AK8: variants seen among roughly 807,000 people sequenced by gnomAD.
AK8 encodes adenylate kinase 8.
Under a neutral mutation model 54.6 loss-of-function variants are expected in AK8, and 44 were observed. The ratio of observed to expected loss-of-function variants is 0.81; its 90% confidence interval spans 0.63 to 1.04. The LOEUF (loss-of-function observed/expected upper bound fraction) is 1.04, where lower values mean the gene tolerates loss of function less well. Among genes scored for constraint, AK8 ranks in the 50% least tolerant of loss-of-function variants. AK8 has a pLI of 0.00. For missense variants in AK8, 555 were observed against 613.6 expected, an observed-to-expected ratio of 0.90 and a Z score of 1.01; for synonymous variants, 239 against 245.6, an observed-to-expected ratio of 0.97 and a Z score of 0.25.
chr9:132,789,139 C>T (rs1181115733), intron 11 of AK8, among the ~76,000 whole-genome samples: 2 of 151,614 alleles, frequency 1.3e-5, no homozygotes, highest in Admixed American at 6.6e-5. Context: ...ACTAAAAATA[C>T]AAAAAATTAG....
chr9:132,753,094 A>G (rs1175464654), intron 11 of AK8, among the ~76,000 whole-genome samples: 2 of 152,224 alleles, frequency 1.3e-5, no homozygotes, highest in Non-Finnish European at 2.9e-5. Flanking sequence ...AGCTGCCACA[A>G]CTGGGCTCCG....
intron 11 of AK8, among the ~76,000 whole-genome samples, chr9:132,741,031 G>GC (rs774942776): frequency 2.6e-5 from 4 of 152,116 alleles, no homozygotes; most frequent in Non-Finnish European, 5.9e-5. Context: ...TGGCCACCCA[G>GC]CCTTCCTGCC....
intron 5 of AK8, among the ~76,000 whole-genome samples, chr9:132,829,621 T>A (rs540695051): frequency 6.6e-6 from 1 of 151,458 alleles, no homozygotes; most frequent in Non-Finnish European, 1.5e-5. Flanking sequence ...CCCTGGACGA[T>A]GATTCCGGTT....
In AK8 at chr9:132,782,743, G is replaced by A. The variant is rs56718764; in HGVS notation, c.1121+9891C>T. Among the ~76,000 whole-genome samples, 320 of 152,220 alleles carry A rather than the reference G, an allele frequency of 2.1e-3. 4 individuals carry two copies. The highest frequency in any genetic ancestry group is 7.3e-3 in the African/African-American group (304 of 41,536). Reference sequence around the variant, plus strand: ...CAACTGATGCTGTGACATTAACCACGTCTGTGGCATTAACTATGTTAGGAA... The same window carrying A: ...CAACTGATGCTGTGACATTAACCACATCTGTGGCATTAACTATGTTAGGAA... On this transcript the variant is annotated intron_variant, in intron 11 of 12. Transcript: ENST00000298545.
At chr9:132,825,624 G>A (rs1157245606) in intron 8 of AK8, among the ~76,000 whole-genome samples, 3 of 152,124 alleles carry the variant, frequency 2.0e-5, no homozygotes, top group African/African-American at 4.8e-5. Flanking sequence ...GCTCCCTTCA[G>A]AGGGCGAGGC....
chr9:132,767,269 G>T (rs1006526636), intron 11 of AK8, among the ~76,000 whole-genome samples: 1 of 152,024 alleles, frequency 6.6e-6, no homozygotes, highest in Non-Finnish European at 1.5e-5. Flanking sequence ...GAACTCAATA[G>T]CAAAGCCAAT....
chr9:132,764,430 T>A (rs1838631208), intron 11 of AK8, among the ~76,000 whole-genome samples: 1 of 151,910 alleles, frequency 6.6e-6, no homozygotes, highest in African/African-American at 2.4e-5. Flanking sequence ...TTAGCTTGAT[T>A]AACAAGAAAA....
chr9:132,742,852 G>C (rs1383810760), intron 11 of AK8, among the ~76,000 whole-genome samples: 1 of 152,288 alleles, frequency 6.6e-6, no homozygotes, highest in African/African-American at 2.4e-5. Context: ...GAGAGGCGGG[G>C]GTGTCATTAG....
At chr9:132,812,376 G>GATC (rs1389535237) in intron 10 of AK8, among the ~76,000 whole-genome samples, 2 of 150,878 alleles carry the variant, frequency 1.3e-5, no homozygotes, top group Non-Finnish European at 2.9e-5. Context: ...GACTACAGGC[G>GATC]CCCACCACCA....
intron 10 of AK8, among the ~76,000 whole-genome samples, chr9:132,807,074 A>G: frequency 6.6e-6 from 1 of 152,132 alleles, no homozygotes; most frequent in East Asian, 1.9e-4. Context: ...GGGGAAAGTC[A>G]TTACCAATTA....
chr9:132,868,138 G>C (rs1200204374), intron 2 of AK8, among the ~76,000 whole-genome samples: 1 of 152,212 alleles, frequency 6.6e-6, no homozygotes, highest in African/African-American at 2.4e-5. Context: ...TCTAACGTCT[G>C]CATGAGAGCC....
chr9:132,785,171 C>T (rs1296842029), intron 11 of AK8, among the ~76,000 whole-genome samples: 1 of 149,604 alleles, frequency 6.7e-6, no homozygotes, highest in Non-Finnish European at 1.5e-5. Context: ...GTGGCGTGCT[C>T]TCGGCTCACT....
chr9:132,816,683 G>A (rs1177647032), intron 9 of AK8, among the ~76,000 whole-genome samples: 1 of 152,160 alleles, frequency 6.6e-6, no homozygotes, highest in African/African-American at 2.4e-5. Context: ...AATCTATGAA[G>A]CAATTCTTTA....
At chr9:132,765,022 G>A (rs1244296779) in intron 11 of AK8, among the ~76,000 whole-genome samples, 1 of 152,178 alleles carries the variant, frequency 6.6e-6, no homozygotes, top group Non-Finnish European at 1.5e-5. Flanking sequence ...GCTGGGCGTG[G>A]TGGCTCACGT....
In AK8 at chr9:132,747,842, G is replaced by A. The variant is rs569425872; in HGVS notation, c.1122-20308C>T. Among the ~76,000 whole-genome samples, 3 of 149,866 alleles carry A rather than the reference G, an allele frequency of 2.0e-5. No individual in the cohort carries two copies. The East Asian group carries it at 5.9e-4, about 30-fold the overall frequency. On this transcript the variant is annotated intron_variant, in intron 11 of 12. Transcript: ENST00000298545. ...CTAATTATAAAATCACAGGCTGGGC[G>A]TGGTGGCTCACACCTGTAATCCCAG...
At chr9:132,751,675 T>A (rs1564382155) in intron 11 of AK8, among the ~76,000 whole-genome samples, 1 of 151,786 alleles carries the variant, frequency 6.6e-6, no homozygotes, top group Non-Finnish European at 1.5e-5. Context: ...GGTCCTTGTG[T>A]GACGGCTGAC....
At chr9:132,865,371 C>T (rs531978767) in intron 3 of AK8, among the ~76,000 whole-genome samples, 9 of 152,258 alleles carry the variant, frequency 5.9e-5, no homozygotes, top group East Asian at 5.8e-4. Context: ...CCAGTTAAAC[C>T]GGGGAACAGC....
At chr9:132,875,322 C>T in intron 1 of AK8, 123 bp from the exon 2 acceptor site, 6 of 1,490,776 alleles carry the variant, frequency 4.0e-6, no homozygotes, top group Middle Eastern at 2.4e-4. Flanking sequence ...CAACCTGGGA[C>T]CCAGCCACCG....
At chr9:132,854,724 C>G in intron 5 of AK8, 133 bp downstream of exon 5, 1 of 914,044 alleles carries the variant, frequency 1.1e-6, no homozygotes, top group South Asian at 1.5e-5. Context: ...GTAGACTGAC[C>G]TTCACGGAGT....
Sources: allele counts gnomAD v4.1 joint callset (sites outside exome capture counted in the v4.1 genomes callset), GRCh38; gene constraint gnomAD v4.1.1; transcripts MANE v1.5; gene names NCBI Gene and HGNC (gene_info 2026-07-23, HGNC 2026-07-21).